The following SPTY2D1 variants were observed in gnomAD, a reference collection of about 807,000 sequenced individuals.
SPTY2D1 encodes protein SPT2 homolog.
A neutral mutation model predicts 64.0 loss-of-function variants in SPTY2D1; 21 were observed. The observed-to-expected ratio is 0.33, with a 90% confidence interval of 0.23 to 0.47. The LOEUF is 0.47. SPTY2D1 is among the 20% of genes least tolerant of loss of function. The pLI is 1.00. For synonymous variants in SPTY2D1, 287 were observed against 286.8 expected (o/e 1.00, Z -0.01); for missense variants, 724 against 837.2 (o/e 0.86, Z 1.67).
chr11:18,631,343 G>A (rs1216260675), intron 1 of SPTY2D1, among the ~76,000 whole-genome samples: 4 of 152,088 alleles, frequency 2.6e-5, no homozygotes, highest in Non-Finnish European at 4.4e-5. Flanking sequence ...GGAGGCTGAG[G>A]TGGGCTGATC....
intron 1 of SPTY2D1, among the ~76,000 whole-genome samples, chr11:18,632,841 T>A (rs1451061132): frequency 6.6e-6 from 1 of 152,226 alleles, no homozygotes; most frequent in Non-Finnish European, 1.5e-5. Context: ...AGAACAGTAC[T>A]GGGCATCAAA....
At position 18,615,872 on chromosome 11, in the gene SPTY2D1, G is replaced by A. The variant is rs759383990; in HGVS notation, c.402C>T (p.Tyr134=). The A allele has an allele frequency of 7.4e-6, 12 of 1,613,888 alleles. No individual in the cohort carries two copies. In the African/African-American group the frequency reaches 1.3e-4, roughly 18 times the overall value. ...ACTCCTGCTCTGACTCTGCGTGATT[G>A]TACTCGAGGAATTCATTCTCTTCTT... The part of the protein sequence containing the change: ...EMEEENEFLE[Y]NHAESEQEYE... Residue 134 remains tyrosine, a synonymous_variant, in exon 3 of 6, where the codon TAC becomes TAT. Coordinates refer to ENST00000336349, the MANE Select transcript of SPTY2D1 (RefSeq NM_194285.3).
rs1404924177 is a variant in SPTY2D1 at position 18,614,922 on chromosome 11, C to T, written c.1352G>A (p.Gly451Asp). Residue 451 changes from glycine (G) to aspartate (D), a missense_variant, in exon 3 of 6, where the codon GGT becomes GAT. Physicochemically the swap from Gly to Asp is moderately conservative, Grantham distance 94. Coordinates refer to ENST00000336349, the MANE Select transcript of SPTY2D1 (RefSeq NM_194285.3). ...CAAGGGTCTTGCAGAACTAACTGAACCACTGATGGGTCGCCCAGGGCCACC... is the reference window on the plus strand; with the variant it reads ...CAAGGGTCTTGCAGAACTAACTGAATCACTGATGGGTCGCCCAGGGCCACC... ...SSGGPGRPISGSVSSARPLGS... is the reference protein window; with the variant it reads ...SSGGPGRPISDSVSSARPLGS... 1.9e-6 allele frequency: 3 copies of T among 1,613,230 alleles called. No homozygotes were observed. In the South Asian group the frequency reaches 3.3e-5, roughly 18 times the overall value.
rs1854119093 is a variant in SPTY2D1, at chr11:18,606,985, C to T, written c.*2876G>A. On this transcript the variant is annotated 3_prime_UTR_variant, in exon 6 of 6. Coordinates refer to ENST00000336349, the MANE Select transcript of SPTY2D1 (RefSeq NM_194285.3). ...TAGCGATTCTCCTGCCTCAGCCTCCCCGGTAGCTGGGATTACAGGTGTGTG... is the reference window on the plus strand; with the variant it reads ...TAGCGATTCTCCTGCCTCAGCCTCCTCGGTAGCTGGGATTACAGGTGTGTG... 1.4e-5 allele frequency: 4 copies of T among 289,592 alleles called. No individual in the cohort carries two copies. The highest frequency in any genetic ancestry group is 2.4e-5 in the African/African-American group (1 of 42,410). 17.9% of individuals were successfully genotyped at this position (289,592 alleles called of 1,614,324 possible). A position where few individuals can be genotyped will look rare whatever the true frequency, so the allele number is the denominator to read the frequency against.
At chr11:18,634,136 C>T (rs750629178) in intron 1 of SPTY2D1, 62 bp downstream of exon 1, 1 of 1,588,556 alleles carries the variant, frequency 6.3e-7, no homozygotes, top group Non-Finnish European at 8.6e-7. Flanking sequence ...TTCCATGGGC[C>T]ACACACATTC....
In SPTY2D1 at chr11:18,609,657, A is replaced by C. The variant is rs1854164563; in HGVS notation, c.*204T>G. ...CTTCATAAGAGCACAAGTGGGCATT[A>C]TATCATCTGCATTACAGATTTCACC... On this transcript the variant is annotated 3_prime_UTR_variant, in exon 6 of 6. Coordinates refer to ENST00000336349, the MANE Select transcript of SPTY2D1 (RefSeq NM_194285.3). 1 of 584,382 alleles carries C rather than the reference A, an allele frequency of 1.7e-6. No individual in the cohort carries two copies. Among genetic ancestry groups the C allele is most frequent in the South Asian group, 2.1e-5 (1 of 47,704 alleles). 36.2% of individuals were successfully genotyped at this position (584,382 alleles called of 1,614,324 possible).
At position 18,616,170 on chromosome 11, in the gene SPTY2D1, CA is replaced by C. The variant is rs2134111440; in HGVS notation, c.176-73del. 26 of 1,368,576 alleles carry C rather than the reference CA, an allele frequency of 1.9e-5. No homozygotes were observed. In the South Asian group the frequency reaches 3.6e-4, roughly 19 times the overall value. 84.8% of individuals were successfully genotyped at this position (1,368,576 alleles called of 1,614,324 possible). On this transcript the variant is annotated intron_variant, in intron 2 of 5. Transcript: ENST00000336349. The stretch of plus-strand genomic sequence containing the variant: ...ATTGCAGTATGCTCAAGTGAAAACA[CA>C]ACGTTCAGGTTACAGTTTGAAGACA...
intron 5 of SPTY2D1, among the ~76,000 whole-genome samples, chr11:18,611,147 A>T (rs1247787369): frequency 6.6e-6 from 1 of 152,124 alleles, no homozygotes; most frequent in East Asian, 1.9e-4. Flanking sequence ...AAAACAAACA[A>T]AAAAAACAGT....
In SPTY2D1 at chr11:18,621,074, C is replaced by T. The variant is rs558354822; in HGVS notation, c.61-4085G>A. On this transcript the variant is annotated intron_variant, in intron 1 of 5. Coordinates refer to ENST00000336349, the MANE Select transcript of SPTY2D1 (RefSeq NM_194285.3). ...ATGCCAGCACTTTGGGAGGCTGAAG[C>T]GGGTGGATCACCTGAGGTCAGGAGT... Among the ~76,000 whole-genome samples, 11 of 151,674 alleles carry T rather than the reference C, an allele frequency of 7.3e-5. No homozygotes were observed. In the East Asian group the frequency reaches 1.2e-3, roughly 16 times the overall value.
rs1263882321 is a variant in SPTY2D1, at chr11:18,616,953, C to CT, written c.96dup (p.Asp33ArgfsTer5). ...GATTGGACACCTTTAACTTTTGGGT[C>CT]TTTTTTTGGAGGCCCCACTGCCAAA... On this transcript the variant is annotated frameshift_variant, in exon 2 of 6. Transcript: ENST00000336349. LOFTEE classifies it high-confidence loss of function. 1 of 1,613,874 alleles carries CT rather than the reference C, an allele frequency of 6.2e-7. No individual in the cohort carries two copies. Among genetic ancestry groups the CT allele is most frequent in the Non-Finnish European group, 8.5e-7 (1 of 1,179,996 alleles).
At position 18,619,533 on chromosome 11, in the gene SPTY2D1, C is replaced by T. The variant is rs570945610; in HGVS notation, c.61-2544G>A. Among the ~76,000 whole-genome samples, 7 of 150,960 alleles carry T rather than the reference C, an allele frequency of 4.6e-5. No individual in the cohort carries two copies. The East Asian group carries it at 5.9e-4, about 13-fold the overall frequency. On this transcript the variant is annotated intron_variant, in intron 1 of 5. Coordinates refer to ENST00000336349, the MANE Select transcript of SPTY2D1 (RefSeq NM_194285.3). Reference sequence around the variant, plus strand: ...CAGAACTTTGGGAGGCTGAGGCAGGCGGATCACAAGGTCAGGAGATCGAGA... The same window carrying T: ...CAGAACTTTGGGAGGCTGAGGCAGGTGGATCACAAGGTCAGGAGATCGAGA...
chr11:18,627,083 A>C (rs1854510253), intron 1 of SPTY2D1, among the ~76,000 whole-genome samples: 1 of 151,818 alleles, frequency 6.6e-6, no homozygotes, highest in Admixed American at 6.6e-5. Context: ...TAACTTCCTT[A>C]TTTTTTTGTA....
chr11:18,632,149 T>C (rs1191565037), intron 1 of SPTY2D1, among the ~76,000 whole-genome samples: 4 of 149,302 alleles, frequency 2.7e-5, no homozygotes, highest in East Asian at 2.0e-4. Context: ...TGAGACTCTA[T>C]CTTAAAAAAA....
intron 1 of SPTY2D1, among the ~76,000 whole-genome samples, chr11:18,624,916 T>C (rs1854471639): frequency 6.6e-6 from 1 of 152,152 alleles, no homozygotes; most frequent in African/African-American, 2.4e-5. Flanking sequence ...GGAGAATTGC[T>C]TGAACCCGGG....
chr11:18,611,691 C>T (rs1273102634), intron 4 of SPTY2D1, 137 bp from the exon 5 acceptor site: 23 of 751,664 alleles, frequency 3.1e-5, no homozygotes, highest in East Asian at 3.0e-4. Context: ...TGCTTGGCAG[C>T]GAGTGAGGGG....
intron 1 of SPTY2D1, among the ~76,000 whole-genome samples, chr11:18,625,075 A>G (rs1277302203): frequency 6.6e-6 from 1 of 152,236 alleles, no homozygotes; most frequent in Non-Finnish European, 1.5e-5. Context: ...ACTGTAGAAA[A>G]TATAAATTTC....
At position 18,612,016 on chromosome 11, in the gene SPTY2D1, A is replaced by G; in HGVS notation, c.1886+298T>C. On this transcript the variant is annotated intron_variant, in intron 4 of 5. Transcript: ENST00000336349. This position sits in a 1 kb window ranked among gnomAD's most constrained non-coding sequence, Gnocchi z 4.6. The stretch of plus-strand genomic sequence containing the variant: ...AGAACATACAGCTTGTTTTTTCAAG[A>G]GCCAATCTACTTCTACTACACTAAG... 4.3e-6 allele frequency: 1 copy of G among 234,880 alleles called. No individual in the cohort carries two copies. The highest frequency in any genetic ancestry group is 8.0e-6 in the Non-Finnish European group (1 of 124,626). The allele number at this position is 234,880 out of a possible 1,614,324, so 14.5% of individuals were successfully genotyped here. A position where few individuals can be genotyped will look rare whatever the true frequency, so the allele number is the denominator to read the frequency against.
intron 5 of SPTY2D1, among the ~76,000 whole-genome samples, chr11:18,611,185 G>A (rs1016860508): frequency 4.6e-5 from 7 of 152,124 alleles, no homozygotes; most frequent in African/African-American, 9.7e-5. Context: ...GCTCATGCCT[G>A]TAATCCCAGC....
Position 18,615,433 on chromosome 11 carries a change from T to C in SPTY2D1, c.841A>G (p.Lys281Glu). 6.2e-7 allele frequency: 1 copy of C among 1,614,200 alleles called. No homozygotes were observed. Among genetic ancestry groups the C allele is most frequent in the Non-Finnish European group, 8.5e-7 (1 of 1,180,042 alleles). The change falls in exon 3 of 6, where the codon AAA (lysine) becomes GAA (glutamate). Residue 281 changes from lysine (K) to glutamate (E), a missense_variant. Lys to Glu is a moderately conservative substitution (Grantham distance 56). Transcript: ENST00000336349. ...NEKHLALSSS[K>E]SMPGERIKAG... ...TTGATCCTCTCTCCTGGCATGGATT[T>C]GGATGAAGACAAAGCGAGGTGTTTC...
Sources: allele counts gnomAD v4.1 joint callset (sites outside exome capture counted in the v4.1 genomes callset), GRCh38; gene constraint gnomAD v4.1.1; non-coding constraint Gnocchi (gnomAD v3.1); transcripts MANE v1.5; gene names NCBI Gene and HGNC (gene_info 2026-07-23, HGNC 2026-07-21).